IPO5: variants seen among roughly 807,000 people sequenced by gnomAD.
IPO5 encodes the protein importin 5, also known as importin-5.
A neutral mutation model predicts 143.3 loss-of-function variants in IPO5; 18 were observed. The ratio of observed to expected loss-of-function variants is 0.13; its 90% CI spans 0.09 to 0.19. The LOEUF (loss-of-function observed/expected upper bound fraction) is 0.19, where lower values mean the gene tolerates loss of function less well. Ranked by LOEUF, IPO5 falls within the 10% of genes least tolerant of loss-of-function variation. The probability of loss-of-function intolerance (pLI) is 1.00; values close to 1 mark genes in which losing one functional copy is unlikely to be tolerated. For missense variants in IPO5, 1,013 were observed against 1,336.9 expected, an observed-to-expected ratio of 0.76 and a Z score of 3.78; for synonymous variants, 477 against 465.7, an observed-to-expected ratio of 1.02 and a Z score of -0.31.
Position 98,015,242 on chromosome 13 carries a change from TTG to T in IPO5, c.2326-260_2326-259del, listed in dbSNP as rs1179382229. Among the ~76,000 whole-genome samples the T allele has an allele frequency of 1.5e-3, 222 of 147,816 alleles. 2 individuals carry two copies. In the South Asian group the frequency reaches 0.018, roughly 12 times the overall value. On this transcript the variant is annotated intron_variant, in intron 22 of 28. Coordinates refer to ENST00000651721, the MANE Select transcript of IPO5 (RefSeq NM_002271.6). ...AGCAATTGTGTTCCTTAGGAGCTGG[TTG>T]TGTGTGTGTGTGTGTGTGTGTGTGT...
chr13:98,000,424 G>T, intron 12 of IPO5, 115 bp from the exon 13 acceptor site: 1 of 662,942 alleles, frequency 1.5e-6, no homozygotes, highest in South Asian at 2.1e-5. Flanking sequence ...AAGACAGCTT[G>T]AATTCTTTCT....
intron 25 of IPO5, among the ~76,000 whole-genome samples, chr13:98,017,424 CTGGG>C (rs1890195349): frequency 6.6e-6 from 1 of 151,928 alleles, no homozygotes; most frequent in East Asian, 1.9e-4. Context: ...CCTCCGCCTT[CTGGG>C]TTCAAGCAAT....
intron 2 of IPO5, among the ~76,000 whole-genome samples, chr13:97,966,673 T>C (rs906309880): frequency 1.3e-5 from 2 of 152,224 alleles, no homozygotes; most frequent in Non-Finnish European, 2.9e-5. Flanking sequence ...ATGGTGTTAA[T>C]TGCTTTTTAA....
At chr13:98,016,889 T>G in intron 25 of IPO5, 38 bp downstream of exon 25, 1 of 1,427,944 alleles carries the variant, frequency 7.0e-7, no homozygotes, top group Non-Finnish European at 9.2e-7. Context: ...TTTGCGTAGT[T>G]TACCTGGAAT....
chr13:98,021,863 A>C lies in IPO5; in HGVS notation c.*41A>C. The C allele has an allele frequency of 3.7e-6, 5 of 1,341,352 alleles. No homozygotes were observed. The highest frequency in any genetic ancestry group is 5.3e-6 in the Non-Finnish European group (5 of 940,696). 83.1% of individuals were successfully genotyped at this position (1,341,352 alleles called of 1,614,324 possible). Reference sequence around the variant, plus strand: ...CCCACCAGAAAACTAACTCCAAATAAACGCTTACCCTTTCCTTTAGGTTTC... The same window carrying C: ...CCCACCAGAAAACTAACTCCAAATACACGCTTACCCTTTCCTTTAGGTTTC... On this transcript the variant is annotated 3_prime_UTR_variant, in exon 29 of 29. Transcript: ENST00000651721.
chr13:98,014,144 C>T lies in IPO5; in HGVS notation c.2255C>T (p.Ala752Val). Reference protein sequence around the residue: ...LTQMWHFMCDALIKAIGTEPD... With the variant: ...LTQMWHFMCDVLIKAIGTEPD... ...CAGATGTGGCATTTTATGTGTGATGCTCTAATTAAGGCCATTGGTACAGAA... is the reference window on the plus strand; with the variant it reads ...CAGATGTGGCATTTTATGTGTGATGTTCTAATTAAGGCCATTGGTACAGAA... The change falls in exon 22 of 29, where the codon GCT becomes GTT. Residue 752 changes from alanine (A) to valine (V), a missense_variant. Ala to Val is a moderately conservative substitution (Grantham distance 64). Around this residue, in one of 2 missense-constraint regions of IPO5, gnomAD observed 685 missense variants for 994.9 expected, o/e 0.69. Transcript: ENST00000651721. 6.2e-7 allele frequency: 1 copy of T among 1,613,346 alleles called. No homozygotes were observed. The highest frequency in any genetic ancestry group is 8.5e-7 in the Non-Finnish European group (1 of 1,179,356).
chr13:97,985,633 C>A lies in IPO5; in HGVS notation c.364+20C>A. 2 of 1,561,704 alleles carry A rather than the reference C, an allele frequency of 1.3e-6. No individual in the cohort carries two copies. The highest frequency in any genetic ancestry group is 1.8e-6 in the Non-Finnish European group (2 of 1,135,502). On this transcript the variant is annotated intron_variant, in intron 6 of 28. Transcript: ENST00000651721. Reference sequence around the variant, plus strand: ...TAATAGGTGTGTATGCAGGTGCACTCATGTTACCAAGAACATGGGTATATC... The same window carrying A: ...TAATAGGTGTGTATGCAGGTGCACTAATGTTACCAAGAACATGGGTATATC...
At chr13:97,975,243 G>A (rs1312294031) in intron 3 of IPO5, among the ~76,000 whole-genome samples, 7 of 134,024 alleles carry the variant, frequency 5.2e-5, no homozygotes, top group African/African-American at 1.1e-4. Context: ...GGCCGAGGCG[G>A]GGGGAGGGCG....
At chr13:98,003,535 G>A (rs1429530034) in intron 16 of IPO5, among the ~76,000 whole-genome samples, 1 of 152,134 alleles carries the variant, frequency 6.6e-6, no homozygotes, top group Non-Finnish European at 1.5e-5. Context: ...TTAACAGTTT[G>A]TTTCTGGCAG....
intron 11 of IPO5, among the ~76,000 whole-genome samples, chr13:97,994,378 T>A (rs1176624399): frequency 6.6e-6 from 1 of 152,224 alleles, no homozygotes; most frequent in Non-Finnish European, 1.5e-5. Context: ...CAAAAAGTTT[T>A]AAAGACTCAA....
rs185017794 is a variant in IPO5, at chr13:97,964,729, G to A, written c.-112-4994G>A. On this transcript the variant is annotated intron_variant, in intron 2 of 28. Transcript: ENST00000651721. ...CTCCCAAAGTGCTGGGATTACAGGC[G>A]TGAGCCACCGCGCCCGGCCTCCCAG... Among the ~76,000 whole-genome samples the A allele has an allele frequency of 7.2e-3, 1,087 of 151,666 alleles. 20 individuals carry two copies. The highest frequency in any genetic ancestry group is 0.025 in the African/African-American group (1,025 of 41,348).
In IPO5 at chr13:98,004,198, C is replaced by T. The variant is rs76503463; in HGVS notation, c.1497+1161C>T. Among the ~76,000 whole-genome samples, 1,423 of 152,268 alleles carry T rather than the reference C, an allele frequency of 9.3e-3. 22 individuals are homozygous for T. The highest frequency in any genetic ancestry group is 0.033 in the African/African-American group (1,370 of 41,540). ...AATTGCTATAAAAGTTTCTAATGCC[C>T]TCAATTCCTATACTTAATATGAACT... On this transcript the variant is annotated intron_variant, in intron 16 of 28. Coordinates refer to ENST00000651721, the MANE Select transcript of IPO5 (RefSeq NM_002271.6).
chr13:98,004,073 T>C (rs568316), intron 16 of IPO5, among the ~76,000 whole-genome samples: 3,886 of 152,302 alleles, frequency 0.026, 151 homozygotes, highest in African/African-American at 0.087. Context: ...TAGCCCAGTT[T>C]ATTGTCAAAT....
intron 12 of IPO5, among the ~76,000 whole-genome samples, chr13:97,998,834 C>CGTA (rs1471437343): frequency 6.6e-6 from 1 of 152,034 alleles, no homozygotes; most frequent in Non-Finnish European, 1.5e-5. Context: ...ATTATACTAC[C>CGTA]ACCTTTTCTT....
chr13:97,959,995 A>G (rs894733801), intron 2 of IPO5, among the ~76,000 whole-genome samples: 1 of 152,208 alleles, frequency 6.6e-6, no homozygotes, highest in Non-Finnish European at 1.5e-5. Flanking sequence ...AATGAAGAAA[A>G]TGTTCATTAA....
Position 98,006,273 on chromosome 13 carries a change from A to G in IPO5, c.1641A>G (p.Gln547=), listed in dbSNP as rs61750356. Reference sequence around the variant, plus strand: ...AGCACATCGTTGAGAATGCGGTTCAAAAAGAACTGAGACTTCTGAGAGGAA... The same window carrying G: ...AGCACATCGTTGAGAATGCGGTTCAGAAAGAACTGAGACTTCTGAGAGGAA... ...SLKHIVENAV[Q]KELRLLRGKT... is the part of the protein sequence containing the mutation. The change falls in exon 17 of 29, where the codon CAA becomes CAG. Residue 547 remains glutamine, a synonymous_variant. Coordinates refer to ENST00000651721, the MANE Select transcript of IPO5 (RefSeq NM_002271.6). 10 of 1,613,840 alleles carry G rather than the reference A, an allele frequency of 6.2e-6. No homozygotes were observed. The highest frequency in any genetic ancestry group is 8.5e-6 in the Non-Finnish European group (10 of 1,179,886).
chr13:97,987,369 G>A (rs1403636980), intron 6 of IPO5, among the ~76,000 whole-genome samples: 1 of 151,720 alleles, frequency 6.6e-6, no homozygotes, highest in African/African-American at 2.4e-5. Context: ...ACTATTGATT[G>A]AGCTTACTAC....
At chr13:97,976,580 C>A (rs1283801258) in intron 3 of IPO5, 113 bp from the exon 4 acceptor site, 44 of 217,112 alleles carry the variant, frequency 2.0e-4, no homozygotes, top group African/African-American at 9.5e-4. Flanking sequence ...CCCGCAAGCC[C>A]CGCGCCGCCG....
rs1050140008 is a variant in IPO5 at position 98,002,681 on chromosome 13, C to T, written c.1234-3C>T. ...TTTACTAATGAAAGGGAACATTTTC[C>T]AGCATCCAAGAGTAAGGTATGCAGC... On this transcript the variant is annotated splice_region_variant and splice_polypyrimidine_tract_variant and intron_variant, in intron 14 of 28. Transcript: ENST00000651721. The T allele has an allele frequency of 6.2e-7, 1 of 1,607,482 alleles. No individual in the cohort carries two copies. Among genetic ancestry groups the T allele is most frequent in the African/African-American group, 1.3e-5 (1 of 74,604 alleles).
Sources: allele counts gnomAD v4.1 joint callset (sites outside exome capture counted in the v4.1 genomes callset), GRCh38; gene constraint gnomAD v4.1.1; regional missense constraint gnomAD v4.1.1; transcripts MANE v1.5; gene names NCBI Gene and HGNC (gene_info 2026-07-23, HGNC 2026-07-21).